Variants in ABLIM2 observed in about 807,000 individuals in gnomAD.
The protein encoded by ABLIM2 is actin-binding LIM protein 2.
A neutral mutation model predicts 97.7 loss-of-function variants in ABLIM2; 53 were observed. The ratio of observed to expected loss-of-function variants is 0.54; its 90% CI spans 0.44 to 0.68. ABLIM2 has a LOEUF of 0.68. ABLIM2 is among the 30% of genes least tolerant of loss of function. The pLI, the probability that ABLIM2 is intolerant of heterozygous loss-of-function variation, is 0.00. For missense variants in ABLIM2, 835 were observed against 867.2 expected (o/e 0.96, Z 0.47); for synonymous variants, 361 against 345.8 (o/e 1.04, Z -0.49).
rs368976107 is a variant in ABLIM2, at chr4:8,014,551, A to C, written c.1423+5067T>G. On this transcript the variant is annotated intron_variant, in intron 14 of 20. Transcript: ENST00000447017. ...CACAGCATGGGCGTTGGAAACTAGA[A>C]ACCTTGCTGAGCCTCTCACCTGTCT... is the stretch of plus-strand genomic sequence containing the variant. Among the ~76,000 whole-genome samples the C allele has an allele frequency of 3.9e-5, 6 of 152,150 alleles. No individual in the cohort carries two copies. In the East Asian group the frequency reaches 1.2e-3, roughly 29 times the overall value.
intron 1 of ABLIM2, among the ~76,000 whole-genome samples, chr4:8,157,469 G>A (rs183515566): frequency 7.2e-5 from 11 of 152,260 alleles, no homozygotes; most frequent in African/African-American, 2.2e-4. Flanking sequence ...CTCCCCAACC[G>A]CCTGCCATTG....
At chr4:8,045,293 T>C in intron 8 of ABLIM2, 52 bp from the exon 9 acceptor site, 1 of 1,500,690 alleles carries the variant, frequency 6.7e-7, no homozygotes, top group Non-Finnish European at 9.3e-7. Context: ...ATTCGGGGCC[T>C]TCAGAGGCGA....
At chr4:8,035,445 C>A (rs1199627311) in intron 10 of ABLIM2, among the ~76,000 whole-genome samples, 1 of 152,220 alleles carries the variant, frequency 6.6e-6, no homozygotes, top group Non-Finnish European at 1.5e-5. Flanking sequence ...CTTCCCCACC[C>A]CGGGGAGCCC....
Position 8,130,095 on chromosome 4 carries a change from A to G in ABLIM2, c.11-23458T>C, listed in dbSNP as rs960660146. Among the ~76,000 whole-genome samples the G allele has an allele frequency of 2.0e-5, 3 of 152,166 alleles. No homozygotes were observed. The highest frequency in any genetic ancestry group is 7.2e-5 in the African/African-American group (3 of 41,444). ...GCCTCCAGCCTGCTGTTCACCCCTA[A>G]GCATCTAGTTTATTCAAAGGCAGCC... is the stretch of plus-strand genomic sequence containing the variant. On this transcript the variant is annotated intron_variant, in intron 1 of 20. Transcript: ENST00000447017. This position sits in a 1 kb window ranked among gnomAD's most constrained non-coding sequence, Gnocchi z 4.2.
chr4:8,090,630 C>T (rs138545848), intron 3 of ABLIM2, among the ~76,000 whole-genome samples: 1 of 152,280 alleles, frequency 6.6e-6, no homozygotes, highest in African/African-American at 2.4e-5. Flanking sequence ...ACCTCTGGCC[C>T]CAGGCACCGT....
In ABLIM2 at chr4:8,053,880, C is replaced by T. The variant is rs539487210; in HGVS notation, c.822+308G>A. ...CCACGGGACGGCTCTCATCAGATGC[C>T]GCACCCTGCTCCTGGATTTCCCCAC... On this transcript the variant is annotated intron_variant, in intron 8 of 20. Coordinates refer to ENST00000447017, the MANE Select transcript of ABLIM2 (RefSeq NM_001130083.2). 1.1e-3 allele frequency among the ~76,000 whole-genome samples: 166 copies of T among 152,218 alleles called. 1 individual carries two copies. The highest frequency in any genetic ancestry group is 3.7e-3 in the African/African-American group (152 of 41,522).
intron 20 of ABLIM2, among the ~76,000 whole-genome samples, chr4:7,982,847 G>A (rs1739865889): frequency 6.6e-6 from 1 of 152,114 alleles, no homozygotes; most frequent in Non-Finnish European, 1.5e-5. Context: ...GGGATTACAG[G>A]CACCTGCCAC....
chr4:8,056,715 G>T (rs1299551589), intron 7 of ABLIM2, among the ~76,000 whole-genome samples: 1 of 151,830 alleles, frequency 6.6e-6, no homozygotes, highest in African/African-American at 2.4e-5. Flanking sequence ...GGCGGATCAC[G>T]AGGTCAGGAG....
At chr4:8,117,292 T>C (rs1199070821) in intron 1 of ABLIM2, among the ~76,000 whole-genome samples, 2 of 152,200 alleles carry the variant, frequency 1.3e-5, no homozygotes, top group African/African-American at 4.8e-5. Context: ...TCTGCCTTTC[T>C]TCAGCTACCC....
chr4:7,985,793 GC>G (rs895020545), intron 17 of ABLIM2, among the ~76,000 whole-genome samples: 74 of 152,314 alleles, frequency 4.9e-4, no homozygotes, highest in African/African-American at 1.7e-3. Context: ...AGCAAACTCT[GC>G]CATTTTAGCG....
intron 6 of ABLIM2, 29 bp downstream of exon 6, chr4:8,077,599 C>G: frequency 1.3e-6 from 2 of 1,572,818 alleles, no homozygotes; most frequent in Non-Finnish European, 1.7e-6. Context: ...TAGCTCAGAG[C>G]GGGCAGGGGC....
Position 8,003,417 on chromosome 4 carries a change from G to A in ABLIM2, c.1618+4642C>T, listed in dbSNP as rs1578366797. Reference sequence around the variant, plus strand: ...ATACTGGAGGGTGTGTGGGTACTGAGGTTCGCTTTCTACCCAATATACATC... The same window carrying A: ...ATACTGGAGGGTGTGTGGGTACTGAAGTTCGCTTTCTACCCAATATACATC... On this transcript the variant is annotated intron_variant, in intron 16 of 20. Transcript: ENST00000447017. The surrounding 1 kb of genome is among the most constrained non-coding windows in gnomAD (Gnocchi z 4.2). Among the ~76,000 whole-genome samples the A allele has an allele frequency of 6.6e-6, 1 of 152,112 alleles. No individual in the cohort carries two copies. Among genetic ancestry groups the A allele is most frequent in the Admixed American group, 6.5e-5 (1 of 15,270 alleles).
chr4:7,983,559 AAGAG>A lies in ABLIM2; in HGVS notation c.1736-9_1736-6del, dbSNP rs200961918. On this transcript the variant is annotated splice_polypyrimidine_tract_variant and splice_region_variant and intron_variant, in intron 18 of 20. Transcript: ENST00000447017. ...CGGCCCCGCTTACCTTGTATTCTGT[AAGAG>A]AGAGAGAGCGGAGACCACGAAATGG... The A allele has an allele frequency of 3.2e-5, 52 of 1,612,808 alleles. No homozygotes were observed. The highest frequency in any genetic ancestry group is 1.6e-4 in the Middle Eastern group (1 of 6,082).
intron 14 of ABLIM2, among the ~76,000 whole-genome samples, chr4:8,012,731 C>T (rs1448258593): frequency 1.3e-5 from 2 of 152,046 alleles, no homozygotes; most frequent in South Asian, 2.1e-4. Context: ...TCTACTCACT[C>T]ACCTACTCAT....
intron 16 of ABLIM2, among the ~76,000 whole-genome samples, chr4:8,006,277 C>A (rs1013005026): frequency 2.6e-5 from 4 of 152,210 alleles, no homozygotes; most frequent in African/African-American, 7.2e-5. Flanking sequence ...CCACACAGCA[C>A]CCCCCTCTCT....
rs1560909749 is a variant in ABLIM2, at chr4:8,044,694, A to ATCTCTCT, written c.900+469_900+470insAGAGAGA. Among the ~76,000 whole-genome samples the ATCTCTCT allele has an allele frequency of 3.6e-3, 535 of 149,734 alleles. 3 individuals are homozygous for ATCTCTCT. The highest frequency in any genetic ancestry group is 9.8e-3 in the African/African-American group (396 of 40,528). On this transcript the variant is annotated intron_variant, in intron 9 of 20. Transcript: ENST00000447017. This position sits in a 1 kb window ranked among gnomAD's most constrained non-coding sequence, Gnocchi z 4.4. ...GTCTCTCTCTCTCTCTCTCTCTCGA[A>ATCTCTCT]CGAACGAAAACGGGATCACATAATT... is the stretch of plus-strand genomic sequence containing the variant.
Position 8,085,979 on chromosome 4 carries a change from G to A in ABLIM2, c.454+2190C>T, listed in dbSNP as rs914301985. On this transcript the variant is annotated intron_variant, in intron 4 of 20. Transcript: ENST00000447017. This position sits in a 1 kb window ranked among gnomAD's most constrained non-coding sequence, Gnocchi z 6.1. Reference sequence around the variant, plus strand: ...GCACACCCACCCCTGCCAGGTACAGGGCACTCCTGCACCTGCAGAAGAGCT... The same window carrying A: ...GCACACCCACCCCTGCCAGGTACAGAGCACTCCTGCACCTGCAGAAGAGCT... Among the ~76,000 whole-genome samples, 10 of 152,078 alleles carry A rather than the reference G, an allele frequency of 6.6e-5. No homozygotes were observed. The South Asian group carries it at 1.7e-3, about 25-fold the overall frequency.
chr4:8,083,820 C>T lies in ABLIM2; in HGVS notation c.455-3018G>A, dbSNP rs1439722272. ...TGCCCGTACATCCTGGTTGGCACTG[C>T]CATCAGCAGCAATGGCATAACCCTC... On this transcript the variant is annotated intron_variant, in intron 4 of 20. Coordinates refer to ENST00000447017, the MANE Select transcript of ABLIM2 (RefSeq NM_001130083.2). The surrounding 1 kb of genome is among the most constrained non-coding windows in gnomAD (Gnocchi z 4.6). 6.6e-6 allele frequency among the ~76,000 whole-genome samples: 1 copy of T among 152,178 alleles called. No homozygotes were observed. The highest frequency in any genetic ancestry group is 1.5e-5 in the Non-Finnish European group (1 of 68,034).
Position 8,033,596 on chromosome 4 carries a change from G to C in ABLIM2, c.1047+2553C>G, listed in dbSNP as rs1191745136. On this transcript the variant is annotated intron_variant, in intron 10 of 20. Transcript: ENST00000447017. The surrounding 1 kb of genome is among the most constrained non-coding windows in gnomAD (Gnocchi z 4.5). ...GGCTGAGAGCGGAAGCTCACACACA[G>C]GTGCCACTGTTTAGCAGAGCGGGAG... is the stretch of plus-strand genomic sequence containing the variant. Among the ~76,000 whole-genome samples, 1 of 152,164 alleles carries C rather than the reference G, an allele frequency of 6.6e-6. No individual in the cohort carries two copies. Among genetic ancestry groups the C allele is most frequent in the Non-Finnish European group, 1.5e-5 (1 of 68,022 alleles).
Sources: gnomAD v4.1 joint callset for allele counts (sites outside exome capture counted in the v4.1 genomes callset) on GRCh38, gnomAD v4.1.1 for gene constraint, Gnocchi (gnomAD v3.1) non-coding constraint, MANE v1.5 for transcripts, NCBI Gene and HGNC (gene_info 2026-07-23, HGNC 2026-07-21) for gene names.